The following FAM168A variants were observed in gnomAD, a reference collection of about 807,000 sequenced individuals.
The protein encoded by FAM168A is family with sequence similarity 168 member A, also known as protein FAM168A.
A neutral mutation model predicts 28.5 loss-of-function variants in FAM168A; 3 were observed. That is an observed-to-expected ratio of 0.11 (90% CI 0.05 to 0.27). The LOEUF (loss-of-function observed/expected upper bound fraction) is 0.27. FAM168A is among the 10% of genes least tolerant of loss of function. The pLI is 1.00. For missense variants in FAM168A, 222 were observed against 311.5 expected (o/e 0.71, Z 2.16); for synonymous variants, 122 against 124.2 (o/e 0.98, Z 0.12).
intron 1 of FAM168A, among the ~76,000 whole-genome samples, chr11:73,549,735 C>T (rs935023046): frequency 1.3e-5 from 2 of 152,196 alleles, no homozygotes; most frequent in African/African-American, 4.8e-5. Flanking sequence ...AAGTTCCATA[C>T]ATTCAATGTC....
At chr11:73,521,791 G>A (rs1370630358) in intron 1 of FAM168A, among the ~76,000 whole-genome samples, 1 of 152,112 alleles carries the variant, frequency 6.6e-6, no homozygotes, top group Non-Finnish European at 1.5e-5. Context: ...GCTGTTAGTT[G>A]GCAAATGAGG....
chr11:73,569,341 A>T (rs184227424), intron 1 of FAM168A, among the ~76,000 whole-genome samples: 2,414 of 152,088 alleles, frequency 0.016, 62 homozygotes, highest in African/African-American at 0.056. Context: ...GATACACAGG[A>T]ACACACACAC....
chr11:73,587,639 C>G (rs1296748428), intron 1 of FAM168A, among the ~76,000 whole-genome samples: 1 of 152,054 alleles, frequency 6.6e-6, no homozygotes, highest in Non-Finnish European at 1.5e-5. Context: ...GTCTGGGCAA[C>G]ACAGCAAAAC....
chr11:73,578,207 G>C (rs903073546), intron 1 of FAM168A, among the ~76,000 whole-genome samples: 2 of 152,128 alleles, frequency 1.3e-5, no homozygotes, highest in Non-Finnish European at 2.9e-5. Flanking sequence ...GAGGTGAACT[G>C]ACTGAATCCT....
chr11:73,563,952 A>G (rs1327671059), intron 1 of FAM168A, among the ~76,000 whole-genome samples: 1 of 152,206 alleles, frequency 6.6e-6, no homozygotes, highest in African/African-American at 2.4e-5. Context: ...GGCTCAATTC[A>G]GAGCTCAAAG....
chr11:73,508,465 G>A (rs1442941786), intron 1 of FAM168A, among the ~76,000 whole-genome samples: 1 of 152,166 alleles, frequency 6.6e-6, no homozygotes. Context: ...CTGTCAGAAA[G>A]GTGAGGCCTG....
At chr11:73,596,059 C>T (rs191392795) in intron 1 of FAM168A, among the ~76,000 whole-genome samples, 137 of 152,272 alleles carry the variant, frequency 9.0e-4, no homozygotes, top group Middle Eastern at 3.4e-3. Flanking sequence ...GCCTTGCAAA[C>T]CAGGACACTA....
At chr11:73,534,188 A>G (rs1212679980) in intron 1 of FAM168A, among the ~76,000 whole-genome samples, 1 of 152,222 alleles carries the variant, frequency 6.6e-6, no homozygotes, top group Non-Finnish European at 1.5e-5. Flanking sequence ...AACCATAAAA[A>G]CAAAGAGAAA....
At chr11:73,504,598 T>C (rs1160843186) in intron 1 of FAM168A, among the ~76,000 whole-genome samples, 3 of 152,222 alleles carry the variant, frequency 2.0e-5, no homozygotes, top group African/African-American at 7.2e-5. Flanking sequence ...AGTATGGTGA[T>C]TCTTCAAGGA....
intron 3 of FAM168A, among the ~76,000 whole-genome samples, chr11:73,423,992 T>C (rs1213496820): frequency 6.6e-6 from 1 of 152,180 alleles, no homozygotes; most frequent in Admixed American, 6.5e-5. Context: ...TCATATATCC[T>C]GAGGCAAACA....
intron 1 of FAM168A, among the ~76,000 whole-genome samples, chr11:73,556,842 A>C (rs1943897298): frequency 6.6e-6 from 1 of 151,948 alleles, no homozygotes; most frequent in Admixed American, 6.6e-5. Context: ...CCAACATGGC[A>C]AAACCCTGCC....
At chr11:73,429,883 C>G (rs559646736) in intron 3 of FAM168A, among the ~76,000 whole-genome samples, 7 of 152,250 alleles carry the variant, frequency 4.6e-5, no homozygotes, top group African/African-American at 1.7e-4. Flanking sequence ...GTAAATGGAA[C>G]TTACATAAAA....
At chr11:73,418,802 T>C (rs1468118851) in intron 4 of FAM168A, among the ~76,000 whole-genome samples, 1 of 148,052 alleles carries the variant, frequency 6.8e-6, no homozygotes, top group Admixed American at 6.6e-5. Flanking sequence ...TGCCACTCAG[T>C]AATTTCATTT....
chr11:73,496,743 G>A (rs1854886989), intron 1 of FAM168A, among the ~76,000 whole-genome samples: 1 of 152,080 alleles, frequency 6.6e-6, no homozygotes, highest in Non-Finnish European at 1.5e-5. Context: ...TGTATTTTTA[G>A]TAGAGACGGG....
At chr11:73,584,774 G>A (rs1050838471) in intron 1 of FAM168A, among the ~76,000 whole-genome samples, 3 of 152,154 alleles carry the variant, frequency 2.0e-5, no homozygotes, top group Non-Finnish European at 4.4e-5. Flanking sequence ...ACCATGCCCA[G>A]TCCACTGACA....
intron 1 of FAM168A, among the ~76,000 whole-genome samples, chr11:73,491,708 C>T (rs1209371584): frequency 1.3e-5 from 2 of 152,180 alleles, no homozygotes; most frequent in Non-Finnish European, 2.9e-5. Context: ...GGGATGCAGA[C>T]CTGTTAACCC....
intron 1 of FAM168A, among the ~76,000 whole-genome samples, chr11:73,494,282 T>C (rs1325579140): frequency 6.6e-6 from 1 of 152,068 alleles, no homozygotes; most frequent in East Asian, 1.9e-4. Context: ...ACAGAGCAGG[T>C]CACAAATCCA....
chr11:73,580,753 GA>G (rs1018239480), intron 1 of FAM168A, among the ~76,000 whole-genome samples: 15 of 152,222 alleles, frequency 9.9e-5, no homozygotes, highest in African/African-American at 3.6e-4. Context: ...AGTTTTGAGA[GA>G]CTTCCTCTTG....
At chr11:73,493,118 C>T (rs952239780) in intron 1 of FAM168A, among the ~76,000 whole-genome samples, 1 of 151,522 alleles carries the variant, frequency 6.6e-6, no homozygotes, top group Non-Finnish European at 1.5e-5. Flanking sequence ...ACTTCAGCAA[C>T]ATGCAATGTA....
Sources: gnomAD v4.1 joint callset for allele counts (sites outside exome capture counted in the v4.1 genomes callset) on GRCh38, gnomAD v4.1.1 for gene constraint, MANE v1.5 for transcripts, NCBI Gene and HGNC (gene_info 2026-07-23, HGNC 2026-07-21) for gene names.